Variants in ARL15 observed in about 807,000 individuals in gnomAD.
ARL15 encodes the protein ARF like GTPase 15, also known as ADP-ribosylation factor-like protein 15.
In ARL15, 19 loss-of-function variants were observed where a neutral mutation model predicts 25.2. The observed-to-expected ratio is 0.75, with a 90% CI of 0.53 to 1.10. ARL15 has a LOEUF of 1.10. Among genes scored for constraint, ARL15 ranks in the 50% least tolerant of loss-of-function variants. The pLI is 0.00. For synonymous variants in ARL15, 94 were observed against 86.8 expected (o/e 1.08, Z -0.46); for missense variants, 220 against 246.0 (o/e 0.89, Z 0.71).
intron 4 of ARL15, among the ~76,000 whole-genome samples, chr5:54,073,933 T>C (rs71619992): frequency 0.014 from 2,103 of 152,342 alleles, 16 homozygotes; most frequent in Admixed American, 0.02. Flanking sequence ...TCAGTGGGAA[T>C]GCCAAGATAT....
At chr5:53,926,387 GGA>G (rs1367702833) in intron 4 of ARL15, among the ~76,000 whole-genome samples, 1 of 145,782 alleles carries the variant, frequency 6.9e-6, no homozygotes, top group African/African-American at 2.7e-5. Context: ...ATGAAGCCAT[GGA>G]GAACATGCAG....
At chr5:53,963,850 T>G (rs796638205) in intron 4 of ARL15, among the ~76,000 whole-genome samples, 1 of 112,204 alleles carries the variant, frequency 8.9e-6, no homozygotes. Flanking sequence ...CACACACACA[T>G]ACACAGAGTA....
intron 3 of ARL15, among the ~76,000 whole-genome samples, chr5:54,148,095 A>T (rs1753962300): frequency 6.6e-6 from 1 of 152,214 alleles, no homozygotes; most frequent in Non-Finnish European, 1.5e-5. Context: ...ACTCTGACGA[A>T]AGAAAGCTTT....
intron 1 of ARL15, among the ~76,000 whole-genome samples, chr5:54,235,099 A>G (rs969826748): frequency 9.2e-5 from 14 of 152,352 alleles, no homozygotes; most frequent in African/African-American, 3.4e-4. Flanking sequence ...TAACATGGAT[A>G]AAGTTGGGAT....
intron 4 of ARL15, among the ~76,000 whole-genome samples, chr5:54,037,913 A>C (rs1409075127): frequency 6.6e-6 from 1 of 152,162 alleles, no homozygotes; most frequent in East Asian, 1.9e-4. Flanking sequence ...CAAATTCTGC[A>C]AACATTATGG....
intron 1 of ARL15, among the ~76,000 whole-genome samples, chr5:54,244,983 C>A (rs1286728270): frequency 2.2e-4 from 34 of 151,652 alleles, no homozygotes; most frequent in Non-Finnish European, 4.4e-5. Flanking sequence ...AATAATGATC[C>A]CAAGTAAATT....
intron 4 of ARL15, among the ~76,000 whole-genome samples, chr5:54,033,975 G>A (rs149818952): frequency 0.047 from 7,184 of 151,968 alleles, 233 homozygotes; most frequent in Middle Eastern, 0.075. Flanking sequence ...CACCATGCCC[G>A]GCTAATTTTT....
intron 2 of ARL15, among the ~76,000 whole-genome samples, chr5:54,155,837 A>C (rs940666455): frequency 6.6e-6 from 1 of 152,174 alleles, no homozygotes; most frequent in Non-Finnish European, 1.5e-5. Context: ...TTTCATTTGA[A>C]TGTTTTGCCA....
intron 1 of ARL15, among the ~76,000 whole-genome samples, chr5:54,289,897 C>A (rs1443431677): frequency 6.6e-6 from 1 of 152,166 alleles, no homozygotes; most frequent in Non-Finnish European, 1.5e-5. Flanking sequence ...TCCAGGCACA[C>A]AACTTCCTCT....
intron 1 of ARL15, among the ~76,000 whole-genome samples, chr5:54,244,112 C>G (rs1757026034): frequency 6.6e-6 from 1 of 152,156 alleles, no homozygotes; most frequent in Non-Finnish European, 1.5e-5. Context: ...TTTCCTTCAG[C>G]AATACAATTT....
At chr5:54,247,457 A>G (rs1294167034) in intron 1 of ARL15, among the ~76,000 whole-genome samples, 2 of 152,032 alleles carry the variant, frequency 1.3e-5, no homozygotes, top group Non-Finnish European at 2.9e-5. Context: ...TTCACACCCT[A>G]TGAACGCATA....
At chr5:54,180,251 G>A (rs531807198) in intron 1 of ARL15, among the ~76,000 whole-genome samples, 37 of 152,216 alleles carry the variant, frequency 2.4e-4, no homozygotes, top group African/African-American at 8.7e-4. Context: ...TGAATAAACT[G>A]GGTTGTGCAG....
chr5:54,077,009 C>T (rs1041764191), intron 4 of ARL15, among the ~76,000 whole-genome samples: 4 of 152,060 alleles, frequency 2.6e-5, no homozygotes, highest in South Asian at 2.1e-4. Context: ...TTCTATGCTA[C>T]GCAGGATGTT....
rs188241556 is a variant in ARL15, at chr5:54,188,955, T to A, written c.49-17027A>T. ...ATTTTTTTTGTGCAATCTTTAGGGT[T>A]TTCTACATACAGGTTCATGTCACTG... On this transcript the variant is annotated intron_variant, in intron 1 of 4. Transcript: ENST00000504924. Among the ~76,000 whole-genome samples the A allele has an allele frequency of 2.0e-3, 309 of 152,250 alleles. 1 individual carries two copies. Among genetic ancestry groups the A allele is most frequent in the Middle Eastern group, 3.4e-3 (1 of 294 alleles).
chr5:53,911,700 C>T (rs1259724063), intron 4 of ARL15, among the ~76,000 whole-genome samples: 2 of 152,096 alleles, frequency 1.3e-5, no homozygotes, highest in African/African-American at 4.8e-5. Context: ...CACCCTTTCC[C>T]CCAAGACCCC....
intron 4 of ARL15, among the ~76,000 whole-genome samples, chr5:53,948,238 C>T (rs1367520394): frequency 6.6e-6 from 1 of 152,112 alleles, no homozygotes; most frequent in Non-Finnish European, 1.5e-5. Flanking sequence ...TGTAAGTGTC[C>T]AAAATAAAGT....
chr5:53,891,539 C>A (rs1414155533), intron 4 of ARL15, among the ~76,000 whole-genome samples: 2 of 152,216 alleles, frequency 1.3e-5, no homozygotes, highest in Admixed American at 1.3e-4. Flanking sequence ...TTGGGAACTG[C>A]TGCTCTTGCC....
intron 1 of ARL15, among the ~76,000 whole-genome samples, chr5:54,199,741 C>T (rs974908064): frequency 6.7e-6 from 1 of 148,364 alleles, no homozygotes. Flanking sequence ...TGTGGCGATT[C>T]CTCAGGGATC....
At chr5:54,157,456 G>A (rs34241130) in intron 2 of ARL15, among the ~76,000 whole-genome samples, 7,126 of 152,146 alleles carry the variant, frequency 0.047, 248 homozygotes, top group East Asian at 0.15. Context: ...CTGTCACCCA[G>A]GCTGGGGTAC....
Sources: gnomAD v4.1 joint callset for allele counts (sites outside exome capture counted in the v4.1 genomes callset) on GRCh38, gnomAD v4.1.1 for gene constraint, MANE v1.5 for transcripts, NCBI Gene and HGNC (gene_info 2026-07-23, HGNC 2026-07-21) for gene names.